Variants in MATCAP2 observed in about 807,000 individuals in gnomAD.
MATCAP2 encodes the protein putative tyrosine carboxypeptidase MATCAP2.
chr7:36,351,682 C>T, the MATCAP2 span, among the ~76,000 whole-genome samples: 7 of 152,062 alleles, frequency 4.6e-5, no homozygotes. Flanking sequence ...TGTCGTGGCT[C>T]ATGCCTGTAA....
chr7:36,377,548 T>A, the MATCAP2 span, among the ~76,000 whole-genome samples: 1 of 152,210 alleles, frequency 6.6e-6, no homozygotes, highest in Non-Finnish European at 1.5e-5. Flanking sequence ...TTCCTTCATT[T>A]CAACCTTGGT....
the MATCAP2 span, among the ~76,000 whole-genome samples, chr7:36,386,661 G>A: frequency 6.6e-6 from 1 of 152,050 alleles, no homozygotes; most frequent in Admixed American, 6.6e-5. Context: ...AATGGGCAAG[G>A]ATATAAAGTT....
the MATCAP2 span, among the ~76,000 whole-genome samples, chr7:36,385,512 T>C: frequency 0.015 from 2,232 of 152,264 alleles, 19 homozygotes; most frequent in Non-Finnish European, 0.024. Flanking sequence ...AGGCTGAACA[T>C]AGTGGCTTAC....
chr7:36,375,733 T>C, the MATCAP2 span, among the ~76,000 whole-genome samples: 1 of 152,218 alleles, frequency 6.6e-6, no homozygotes, highest in East Asian at 1.9e-4. Context: ...TTTTTTTGGT[T>C]GGTAGGCTAT....
the MATCAP2 span, among the ~76,000 whole-genome samples, chr7:36,381,906 G>A: frequency 4.6e-5 from 7 of 152,178 alleles, no homozygotes; most frequent in East Asian, 1.4e-3. Context: ...TAGCATGTGA[G>A]GAGAAATTTT....
chr7:36,369,592 G>T, the MATCAP2 span, among the ~76,000 whole-genome samples: 1 of 152,094 alleles, frequency 6.6e-6, no homozygotes, highest in Admixed American at 6.6e-5. Flanking sequence ...TAATCATATT[G>T]CCTATTTTCA....
chr7:36,390,213 T>A, the MATCAP2 span: 1 of 1,051,632 alleles, frequency 9.5e-7, no homozygotes, highest in Non-Finnish European at 1.4e-6. Context: ...CTGTGGTTGG[T>A]GGGTTCCTCT....
chr7:36,369,615 T>C, the MATCAP2 span, among the ~76,000 whole-genome samples: 2 of 152,218 alleles, frequency 1.3e-5, no homozygotes, highest in African/African-American at 4.8e-5. Context: ...ATATTTTAAG[T>C]AACCAAGATA....
At chr7:36,346,167 C>T in the MATCAP2 span, among the ~76,000 whole-genome samples, 3 of 152,032 alleles carry the variant, frequency 2.0e-5, no homozygotes, top group East Asian at 1.9e-4. Flanking sequence ...GAAACTGGAA[C>T]GCTCACATGC....
chr7:36,352,347 A>C, the MATCAP2 span, among the ~76,000 whole-genome samples: 1 of 148,854 alleles, frequency 6.7e-6, no homozygotes, highest in Non-Finnish European at 1.5e-5. Flanking sequence ...CAGTAAGCTG[A>C]AATTGCACCA....
At chr7:36,366,831 G>C in the MATCAP2 span, 1 of 1,519,308 alleles carries the variant, frequency 6.6e-7, no homozygotes, top group Non-Finnish European at 8.8e-7. Flanking sequence ...GCGCCCAGCC[G>C]GTGGCTACCA....
the MATCAP2 span, among the ~76,000 whole-genome samples, chr7:36,376,055 A>AT: frequency 6.6e-6 from 1 of 151,910 alleles, no homozygotes; most frequent in Non-Finnish European, 1.5e-5. Context: ...GGATTCATTG[A>AT]TTTTTTTGAA....
the MATCAP2 span, among the ~76,000 whole-genome samples, chr7:36,385,669 C>T: frequency 1.3e-5 from 2 of 151,886 alleles, no homozygotes; most frequent in Non-Finnish European, 2.9e-5. Context: ...ACCTGTTGTC[C>T]CAGATACTTG....
chr7:36,370,505 T>A, the MATCAP2 span, among the ~76,000 whole-genome samples: 1 of 152,182 alleles, frequency 6.6e-6, no homozygotes, highest in Non-Finnish European at 1.5e-5. Flanking sequence ...TGAGATGGAG[T>A]TTCGCTCTTT....
At chr7:36,334,535 CAAAAAAAAAAAA>C in the MATCAP2 span, among the ~76,000 whole-genome samples, 23 of 49,522 alleles carry the variant, frequency 4.6e-4, no homozygotes, top group Admixed American at 2.0e-3. Flanking sequence ...GATCCCATCT[CAAAAAAAAAAAA>C]AAAAAAAAAA....
chr7:36,338,553 A>C, the MATCAP2 span, among the ~76,000 whole-genome samples: 1 of 152,034 alleles, frequency 6.6e-6, no homozygotes, highest in Non-Finnish European at 1.5e-5. Context: ...TCCACCTCCC[A>C]AAGTGCTGGG....
chr7:36,339,713 A>T, the MATCAP2 span, among the ~76,000 whole-genome samples: 2 of 152,258 alleles, frequency 1.3e-5, no homozygotes, highest in Non-Finnish European at 2.9e-5. Flanking sequence ...GAGTGAGAAG[A>T]ATGTGACAAA....
chr7:36,353,894 A>T, the MATCAP2 span, among the ~76,000 whole-genome samples: 1 of 151,218 alleles, frequency 6.6e-6, no homozygotes, highest in Non-Finnish European at 1.5e-5. Flanking sequence ...TGAACTTAAG[A>T]TAATATGCAG....
chr7:36,357,854 AATAT>A, the MATCAP2 span, among the ~76,000 whole-genome samples: 1 of 152,220 alleles, frequency 6.6e-6, no homozygotes, highest in Non-Finnish European at 1.5e-5. Flanking sequence ...ATCAAAGTCT[AATAT>A]GTGAGATAAT....
Sources: allele counts gnomAD v4.1 joint callset (sites outside exome capture counted in the v4.1 genomes callset), GRCh38; gene constraint gnomAD v4.1.1; transcripts MANE v1.5; gene names NCBI Gene and HGNC (gene_info 2026-07-23, HGNC 2026-07-21).